The following B3GALT1 variants were observed in gnomAD, a reference collection of about 807,000 sequenced individuals.
B3GALT1 encodes the protein beta-1,3-galactosyltransferase 1, also known as UDP-Gal:betaGlcNAc beta 1,3-galactosyltransferase, polypeptide 1.
A neutral mutation model predicts 23.2 loss-of-function variants in B3GALT1; 10 were observed. That is an observed-to-expected ratio of 0.43 (90% CI 0.27 to 0.73). The LOEUF is 0.73. B3GALT1 is among the 30% of genes least tolerant of loss of function. The probability of loss-of-function intolerance (pLI) is 0.21; values close to 1 mark genes in which losing one functional copy is unlikely to be tolerated. For synonymous variants in B3GALT1, 156 were observed against 141.5 expected (o/e 1.10, Z -0.73); for missense variants, 299 against 405.4 (o/e 0.74, Z 2.25).
intron 2 of B3GALT1, among the ~76,000 whole-genome samples, chr2:167,624,790 G>T (rs1558928443): frequency 6.6e-6 from 1 of 152,090 alleles, no homozygotes; most frequent in East Asian, 1.9e-4. Context: ...TTCTGCTTTA[G>T]AATGCTATTT....
At chr2:167,418,683 T>A (rs989196676) in intron 1 of B3GALT1, among the ~76,000 whole-genome samples, 1 of 151,734 alleles carries the variant, frequency 6.6e-6, no homozygotes, top group African/African-American at 2.4e-5. Context: ...TTCCTCTTTT[T>A]TTTTTTTTTT....
At chr2:167,567,273 A>G (rs569605412) in intron 2 of B3GALT1, among the ~76,000 whole-genome samples, 3 of 152,330 alleles carry the variant, frequency 2.0e-5, no homozygotes, top group Admixed American at 1.3e-4. Context: ...AATGTAGATG[A>G]CAATACCTGA....
intron 2 of B3GALT1, among the ~76,000 whole-genome samples, chr2:167,553,484 C>A (rs1485759989): frequency 1.3e-5 from 2 of 151,992 alleles, no homozygotes; most frequent in African/African-American, 4.8e-5. Context: ...CCCCTGGCTA[C>A]TGGTCAGGAT....
At chr2:167,349,991 C>T (rs1385914315) in intron 1 of B3GALT1, among the ~76,000 whole-genome samples, 1 of 152,062 alleles carries the variant, frequency 6.6e-6, no homozygotes, top group African/African-American at 2.4e-5. Context: ...TTATAAAATA[C>T]GTTTTATAAA....
intron 2 of B3GALT1, among the ~76,000 whole-genome samples, chr2:167,609,979 G>T (rs1414519466): frequency 6.6e-6 from 1 of 151,862 alleles, no homozygotes; most frequent in Admixed American, 6.6e-5. Context: ...GAAGTTAGAA[G>T]AAAAGAACAA....
At chr2:167,394,049 A>C (rs570759202) in intron 1 of B3GALT1, among the ~76,000 whole-genome samples, 1 of 152,348 alleles carries the variant, frequency 6.6e-6, no homozygotes, top group African/African-American at 2.4e-5. Context: ...ATCTAAAATA[A>C]GTAAGCCATT....
chr2:167,354,333 C>T (rs539372429), intron 1 of B3GALT1, among the ~76,000 whole-genome samples: 1 of 146,954 alleles, frequency 6.8e-6, no homozygotes, highest in African/African-American at 2.5e-5. Context: ...TTGTTTCTTT[C>T]CTTGGTAAAT....
chr2:167,521,980 G>GTATA (rs1211999226), intron 2 of B3GALT1, among the ~76,000 whole-genome samples: 6,884 of 127,628 alleles, frequency 0.054, 215 homozygotes, highest in East Asian at 0.1. Flanking sequence ...GTGTGTGTGT[G>GTATA]TGTGTATATA....
chr2:167,671,892 A>G (rs1028407678), intron 3 of B3GALT1, among the ~76,000 whole-genome samples: 1 of 152,082 alleles, frequency 6.6e-6, no homozygotes, highest in Non-Finnish European at 1.5e-5. Context: ...ATTTTTTAGA[A>G]AAAAAGAGAA....
intron 3 of B3GALT1, among the ~76,000 whole-genome samples, chr2:167,768,302 G>C (rs1206743516): frequency 6.6e-6 from 1 of 152,156 alleles, no homozygotes; most frequent in Non-Finnish European, 1.5e-5. Flanking sequence ...TTTACTCCAT[G>C]CTTCCCAACA....
At chr2:167,434,871 A>G (rs1698756605) in intron 1 of B3GALT1, among the ~76,000 whole-genome samples, 1 of 152,118 alleles carries the variant, frequency 6.6e-6, no homozygotes, top group Admixed American at 6.6e-5. Flanking sequence ...CTCTCCTGAA[A>G]AGCAGCAAAC....
intron 4 of B3GALT1, among the ~76,000 whole-genome samples, chr2:167,857,997 G>A (rs1399082629): frequency 2.6e-5 from 4 of 152,070 alleles, no homozygotes; most frequent in African/African-American, 4.8e-5. Flanking sequence ...TAGTGGCTTT[G>A]TCTTAAACCT....
chr2:167,360,470 TGTA>T (rs1697482853), intron 1 of B3GALT1, among the ~76,000 whole-genome samples: 2 of 152,328 alleles, frequency 1.3e-5, no homozygotes, highest in South Asian at 4.1e-4. Context: ...ATTTCTAAAA[TGTA>T]GTCTGCAGAC....
chr2:167,390,140 A>G (rs1250490933), intron 1 of B3GALT1, among the ~76,000 whole-genome samples: 1 of 152,072 alleles, frequency 6.6e-6, no homozygotes, highest in Non-Finnish European at 1.5e-5. Flanking sequence ...ATAGCTTCCA[A>G]GTCCTGCCCC....
intron 3 of B3GALT1, among the ~76,000 whole-genome samples, chr2:167,704,229 G>A (rs1686936594): frequency 1.4e-5 from 2 of 147,492 alleles, no homozygotes; most frequent in South Asian, 2.2e-4. Flanking sequence ...AAACTGGTAA[G>A]TCATGGAATT....
chr2:167,858,866 A>T (rs1323853664), intron 4 of B3GALT1, among the ~76,000 whole-genome samples: 1 of 152,196 alleles, frequency 6.6e-6, no homozygotes, highest in Non-Finnish European at 1.5e-5. Flanking sequence ...CATTCTTTGA[A>T]ATATGATCTA....
At chr2:167,371,251 A>G (rs939614710) in intron 1 of B3GALT1, among the ~76,000 whole-genome samples, 3 of 152,062 alleles carry the variant, frequency 2.0e-5, no homozygotes, top group African/African-American at 7.2e-5. Context: ...ACTCAAAAAT[A>G]TTTCTCAAAT....
intron 2 of B3GALT1, among the ~76,000 whole-genome samples, chr2:167,539,307 A>T (rs1315445562): frequency 6.6e-6 from 1 of 152,154 alleles, no homozygotes; most frequent in Non-Finnish European, 1.5e-5. Context: ...CAATGAAAAA[A>T]ATCTTTGTAA....
In B3GALT1 at chr2:167,454,196, A is replaced by AGTGTGTGTGTGTGT. The variant is rs35747652; in HGVS notation, c.-510-35979_-510-35966dup. 1.3e-4 allele frequency among the ~76,000 whole-genome samples: 19 copies of AGTGTGTGTGTGTGT among 151,938 alleles called. 1 individual carries two copies. The highest frequency in any genetic ancestry group is 4.6e-4 in the African/African-American group (19 of 41,334). On this transcript the variant is annotated intron_variant, in intron 1 of 4. Coordinates refer to ENST00000392690, the MANE Select transcript of B3GALT1 (RefSeq NM_020981.4). ...TTTTCCGATGTAGGTATAACAGGAA[A>AGTGTGTGTGTGTGT]GTGTGTGTGTGTGTGCGCACGCGCG...
Sources: allele counts gnomAD v4.1 joint callset (sites outside exome capture counted in the v4.1 genomes callset), GRCh38; gene constraint gnomAD v4.1.1; transcripts MANE v1.5; gene names NCBI Gene and HGNC (gene_info 2026-07-23, HGNC 2026-07-21).